Variants in TMEM217B observed in about 807,000 individuals in gnomAD.
TMEM217B encodes the protein transmembrane protein 217B.
the TMEM217B span, chr6:37,257,915 G>A: frequency 5.6e-5 from 91 of 1,613,776 alleles, no homozygotes; most frequent in Non-Finnish European, 7.5e-5. Context: ...CCCGGCCAGA[G>A]CAATGGCCGC....
At chr6:37,226,090 T>C in the TMEM217B span, among the ~76,000 whole-genome samples, 1 of 152,182 alleles carries the variant, frequency 6.6e-6, no homozygotes, top group Non-Finnish European at 1.5e-5. Flanking sequence ...ACTAGTGATC[T>C]ACTGGGATCT....
At chr6:37,257,209 A>G in the TMEM217B span, among the ~76,000 whole-genome samples, 51 of 152,348 alleles carry the variant, frequency 3.3e-4, no homozygotes, top group South Asian at 1.0e-3. Flanking sequence ...TTTAACCCAC[A>G]GCACAAGTCC....
chr6:37,235,431 T>C, the TMEM217B span, among the ~76,000 whole-genome samples: 2 of 152,182 alleles, frequency 1.3e-5, no homozygotes, highest in Non-Finnish European at 2.9e-5. Context: ...AGTGGTGCCA[T>C]CTCGGCTCAC....
At chr6:37,218,171 T>TC in the TMEM217B span, 84 of 801,116 alleles carry the variant, frequency 1.0e-4, no homozygotes, top group Non-Finnish European at 1.3e-4. Flanking sequence ...GCTGCTAACT[T>TC]TTTTTTTTTT....
the TMEM217B span, among the ~76,000 whole-genome samples, chr6:37,252,143 T>C: frequency 3.2e-4 from 49 of 152,368 alleles, no homozygotes; most frequent in African/African-American, 1.0e-3. Context: ...TCCGCCTGCC[T>C]CGGCCTCCCA....
chr6:37,235,514 C>T, the TMEM217B span, among the ~76,000 whole-genome samples: 316 of 152,176 alleles, frequency 2.1e-3, 2 homozygotes, highest in African/African-American at 6.1e-3. Flanking sequence ...TACAGGCACC[C>T]GCCACCACGC....
the TMEM217B span, among the ~76,000 whole-genome samples, chr6:37,234,441 G>C: frequency 1.3e-5 from 2 of 152,244 alleles, no homozygotes; most frequent in African/African-American, 4.8e-5. Context: ...TCAACTTATG[G>C]GTTTATTGGG....
chr6:37,226,066 G>A, the TMEM217B span, among the ~76,000 whole-genome samples: 3 of 152,024 alleles, frequency 2.0e-5, no homozygotes, highest in Non-Finnish European at 4.4e-5. Context: ...CTTTATTGAC[G>A]AAGTGTAATG....
chr6:37,243,098 G>A, the TMEM217B span, among the ~76,000 whole-genome samples: 1 of 151,878 alleles, frequency 6.6e-6, no homozygotes, highest in African/African-American at 2.4e-5. Context: ...CAGTTGCCCT[G>A]CCCCTACAAA....
At chr6:37,228,216 C>G in the TMEM217B span, among the ~76,000 whole-genome samples, 1 of 151,846 alleles carries the variant, frequency 6.6e-6, no homozygotes, top group Non-Finnish European at 1.5e-5. Flanking sequence ...GGCAACATAG[C>G]AAGACTCCAT....
chr6:37,235,900 C>T, the TMEM217B span, among the ~76,000 whole-genome samples: 3 of 152,282 alleles, frequency 2.0e-5, no homozygotes, highest in Non-Finnish European at 4.4e-5. Flanking sequence ...GTCCCTATCT[C>T]TTAATACCAC....
At chr6:37,224,234 C>G in the TMEM217B span, among the ~76,000 whole-genome samples, 3 of 150,906 alleles carry the variant, frequency 2.0e-5, no homozygotes, top group East Asian at 6.0e-4. Flanking sequence ...CCACCGCGCC[C>G]GGCCTCTGCC....
chr6:37,212,709 C>T, the TMEM217B span: 1 of 643,344 alleles, frequency 1.6e-6, no homozygotes, highest in Non-Finnish European at 2.9e-6. Context: ...TGGCATAGAT[C>T]AGCAGCCCCA....
the TMEM217B span, among the ~76,000 whole-genome samples, chr6:37,244,024 G>A: frequency 2.0e-5 from 3 of 152,162 alleles, no homozygotes; most frequent in Admixed American, 2.0e-4. Context: ...GGGGAACTGG[G>A]GAAGTTACAA....
chr6:37,219,387 C>T, the TMEM217B span, among the ~76,000 whole-genome samples: 1 of 152,274 alleles, frequency 6.6e-6, no homozygotes. Flanking sequence ...TTCAAAACTT[C>T]CTAGTAATTT....
the TMEM217B span, chr6:37,212,806 T>A: frequency 1.3e-6 from 1 of 792,860 alleles, no homozygotes. Context: ...ATTAGCCCTG[T>A]GGAACAGGGT....
chr6:37,232,448 C>T, the TMEM217B span, among the ~76,000 whole-genome samples: 1 of 152,180 alleles, frequency 6.6e-6, no homozygotes, highest in Non-Finnish European at 1.5e-5. Context: ...TGCAGTGGCA[C>T]AATCTTGGCT....
chr6:37,246,792 A>C, the TMEM217B span, among the ~76,000 whole-genome samples: 1 of 151,962 alleles, frequency 6.6e-6, no homozygotes, highest in Non-Finnish European at 1.5e-5. Context: ...GATCCCAGCT[A>C]TTCAGGAGGT....
chr6:37,225,761 A>G, the TMEM217B span, among the ~76,000 whole-genome samples: 3 of 152,146 alleles, frequency 2.0e-5, no homozygotes, highest in East Asian at 1.9e-4. Context: ...TAATGACTGC[A>G]TTTCCCAGCT....
Sources: gnomAD v4.1 joint callset for allele counts (sites outside exome capture counted in the v4.1 genomes callset) on GRCh38, gnomAD v4.1.1 for gene constraint, MANE v1.5 for transcripts, NCBI Gene and HGNC (gene_info 2026-07-23, HGNC 2026-07-21) for gene names.